ITGB3BP: variants seen among roughly 807,000 people sequenced by gnomAD.
ITGB3BP encodes the protein integrin subunit beta 3 binding protein.
ITGB3BP carries 27 observed loss-of-function variants against 29.1 expected under a neutral mutation model. That is an observed-to-expected ratio of 0.93 (90% CI 0.68 to 1.28). The LOEUF is 1.28. ITGB3BP is among the 50% of genes most tolerant of loss of function. The pLI, the probability that ITGB3BP is intolerant of heterozygous loss-of-function variation, is 0.00. For synonymous variants in ITGB3BP, 61 were observed against 61.4 expected (o/e 0.99, Z 0.03); for missense variants, 192 against 200.2 (o/e 0.96, Z 0.25).
At chr1:63,453,357 T>G (rs1644888181) in intron 7 of ITGB3BP, among the ~76,000 whole-genome samples, 1 of 152,180 alleles carries the variant, frequency 6.6e-6, no homozygotes. Flanking sequence ...TGTATTAGTC[T>G]AAAGGTTTTG....
At chr1:63,449,137 GA>G (rs1404630494) in intron 7 of ITGB3BP, among the ~76,000 whole-genome samples, 4 of 152,056 alleles carry the variant, frequency 2.6e-5, no homozygotes, top group Admixed American at 6.5e-5. Context: ...GAAAATTTAT[GA>G]AACCTTTGCA....
chr1:63,441,967 G>A (rs913640443), intron 8 of ITGB3BP, among the ~76,000 whole-genome samples: 3 of 152,180 alleles, frequency 2.0e-5, no homozygotes, highest in African/African-American at 7.2e-5. Context: ...GGGGGTGGTG[G>A]CTCATGCCTG....
intron 7 of ITGB3BP, 180 bp downstream of exon 7, chr1:63,453,738 T>C (rs1644893296): frequency 4.2e-6 from 2 of 475,396 alleles, no homozygotes; most frequent in Non-Finnish European, 7.4e-6. Flanking sequence ...TATCATCTTC[T>C]GCTAAATGCA....
intron 2 of ITGB3BP, among the ~76,000 whole-genome samples, chr1:63,500,140 G>T (rs1296948108): frequency 6.6e-6 from 1 of 152,226 alleles, no homozygotes; most frequent in Non-Finnish European, 1.5e-5. Flanking sequence ...CACTTTGGGA[G>T]GCCCAGACGG....
intron 4 of ITGB3BP, among the ~76,000 whole-genome samples, chr1:63,466,267 C>T (rs931715394): frequency 1.3e-5 from 2 of 152,182 alleles, no homozygotes; most frequent in African/African-American, 2.4e-5. Flanking sequence ...CTTGGCAATA[C>T]GTTTATTCAG....
At chr1:63,441,749 C>T (rs186993729) in intron 8 of ITGB3BP, among the ~76,000 whole-genome samples, 10 of 152,254 alleles carry the variant, frequency 6.6e-5, no homozygotes, top group South Asian at 2.1e-4. Flanking sequence ...AGCTGCCCCC[C>T]GCCCAAAAGA....
chr1:63,527,114 G>GT (rs528391089), upstream of ITGB3BP, among the ~76,000 whole-genome samples: 34 of 151,716 alleles, frequency 2.2e-4, no homozygotes, highest in South Asian at 4.2e-4. Flanking sequence ...AATAATCCGA[G>GT]TTTTTTTTTG....
chr1:63,502,568 G>A (rs1473880921), intron 2 of ITGB3BP, among the ~76,000 whole-genome samples: 1 of 150,890 alleles, frequency 6.6e-6, no homozygotes, highest in Non-Finnish European at 1.5e-5. Context: ...CAACGTGCAG[G>A]TTAGTTACAT....
At chr1:63,491,100 T>C (rs1422158864) in intron 2 of ITGB3BP, among the ~76,000 whole-genome samples, 1 of 152,138 alleles carries the variant, frequency 6.6e-6, no homozygotes, top group Non-Finnish European at 1.5e-5. Flanking sequence ...GAACATCCTC[T>C]TTTTTATCTT....
upstream of ITGB3BP, chr1:63,523,308 G>C (rs938595969): frequency 2.5e-6 from 2 of 789,446 alleles, no homozygotes; most frequent in African/African-American, 3.5e-5. Flanking sequence ...CCGGGTGTGC[G>C]CGAGCAAAGG....
chr1:63,464,092 G>T (rs1342478911), intron 4 of ITGB3BP, among the ~76,000 whole-genome samples: 1 of 152,174 alleles, frequency 6.6e-6, no homozygotes, highest in Non-Finnish European at 1.5e-5. Context: ...ACTACTCTGA[G>T]TATCCTTTTT....
chr1:63,484,460 A>G (rs967391589), intron 3 of ITGB3BP, among the ~76,000 whole-genome samples: 2 of 151,918 alleles, frequency 1.3e-5, no homozygotes, highest in African/African-American at 4.8e-5. Context: ...ATTATCATTC[A>G]ATTTTAAATA....
At chr1:63,482,254 CA>C (rs1645450373) in intron 3 of ITGB3BP, among the ~76,000 whole-genome samples, 1 of 102,156 alleles carries the variant, frequency 9.8e-6, no homozygotes, top group East Asian at 3.2e-4. Flanking sequence ...GCCTGGGTGA[CA>C]GAGTGACTCC....
rs181848905 is a variant in ITGB3BP, at chr1:63,500,400, T to A, written c.48+8128A>T. On this transcript the variant is annotated intron_variant, in intron 2 of 8. Transcript: ENST00000271002. ...CTCAAAACAAAAAAAAAAGAAAATCTCCAAATTATTAATGCTAATAAATGG... is the reference window on the plus strand; with the variant it reads ...CTCAAAACAAAAAAAAAAGAAAATCACCAAATTATTAATGCTAATAAATGG... Among the ~76,000 whole-genome samples the A allele has an allele frequency of 4.0e-3, 604 of 151,848 alleles. 4 individuals are homozygous for A. The highest frequency in any genetic ancestry group is 0.013 in the African/African-American group (552 of 41,390).
chr1:63,512,454 C>G (rs1014151881), intron 1 of ITGB3BP, among the ~76,000 whole-genome samples: 1 of 151,968 alleles, frequency 6.6e-6, no homozygotes, highest in African/African-American at 2.4e-5. Flanking sequence ...AGGAATGACA[C>G]CTCAGAAAAT....
intron 7 of ITGB3BP, among the ~76,000 whole-genome samples, chr1:63,451,034 G>C (rs1015739602): frequency 9.9e-5 from 15 of 151,762 alleles, no homozygotes; most frequent in Admixed American, 6.6e-5. Context: ...CTGTAATAAA[G>C]ACTGTAACTG....
At position 63,473,575 on chromosome 1, in the gene ITGB3BP, G is replaced by T. The variant is rs1312810095; in HGVS notation, c.254+5189C>A. On this transcript the variant is annotated intron_variant, in intron 4 of 8. Transcript: ENST00000271002. Reference sequence around the variant, plus strand: ...GCCCCATCTGGGAGGGGGGAGGGGGGGTCAGCCCCCTGCCCGGCCAGCCGC... The same window carrying T: ...GCCCCATCTGGGAGGGGGGAGGGGGTGTCAGCCCCCTGCCCGGCCAGCCGC... Among the ~76,000 whole-genome samples, 4 of 138,136 alleles carry T rather than the reference G, an allele frequency of 2.9e-5. 1 individual carries two copies. The highest frequency in any genetic ancestry group is 5.4e-5 in the African/African-American group (2 of 37,250). 90.6% of individuals were successfully genotyped at this position (138,136 alleles called of 152,430 possible).
chr1:63,464,086 C>CA (rs1442730180), intron 4 of ITGB3BP, among the ~76,000 whole-genome samples: 2 of 152,144 alleles, frequency 1.3e-5, no homozygotes, highest in Non-Finnish European at 2.9e-5. Context: ...ATTAACACTA[C>CA]TCTGAGTATC....
chr1:63,524,015 A>C (rs1388034503), upstream of ITGB3BP, among the ~76,000 whole-genome samples: 2 of 152,094 alleles, frequency 1.3e-5, no homozygotes, highest in African/African-American at 4.8e-5. Context: ...GTTTTAAGTA[A>C]GGGAGGTTTC....
Sources: gnomAD v4.1 joint callset for allele counts (sites outside exome capture counted in the v4.1 genomes callset) on GRCh38, gnomAD v4.1.1 for gene constraint, MANE v1.5 for transcripts, NCBI Gene and HGNC (gene_info 2026-07-23, HGNC 2026-07-21) for gene names.